PDE4A: variants seen among roughly 807,000 people sequenced by gnomAD.
PDE4A encodes the protein phosphodiesterase 4A.
PDE4A carries 21 observed loss-of-function variants against 73.9 expected under a neutral mutation model. The observed-to-expected ratio is 0.28, with a 90% CI of 0.20 to 0.41. The LOEUF (loss-of-function observed/expected upper bound fraction) is 0.41, where lower values mean the gene tolerates loss of function less well. Among genes scored for constraint, PDE4A ranks in the 10% least tolerant of loss-of-function variants. PDE4A has a pLI of 1.00. For synonymous variants in PDE4A, 463 were observed against 505.4 expected (o/e 0.92, Z 1.13); for missense variants, 958 against 1,211.4 (o/e 0.79, Z 3.10).
chr19:10,417,052 T>A, upstream of PDE4A: 2 of 1,520,300 alleles, frequency 1.3e-6, no homozygotes, highest in Non-Finnish European at 1.8e-6. Context: ...ACTAGCGCCC[T>A]CTAGTGACCA....
chr19:10,457,160 C>T (rs2043182941), intron 7 of PDE4A, among the ~76,000 whole-genome samples: 1 of 152,186 alleles, frequency 6.6e-6, no homozygotes, highest in African/African-American at 2.4e-5. Flanking sequence ...GATCGTGCCA[C>T]TGCACTCCAG....
rs760878279 is a variant in PDE4A at position 10,420,929 on chromosome 19, C to G, written c.165C>G (p.Ala55=). 6 of 1,575,978 alleles carry G rather than the reference C, an allele frequency of 3.8e-6. No individual in the cohort carries two copies. The highest frequency in any genetic ancestry group is 5.1e-6 in the Non-Finnish European group (6 of 1,170,304). The stretch of plus-strand genomic sequence containing the variant: ...GCTACTCCGACAGCGCGGAGCGCGC[C>G]GAGCGGGAGCGGCAGCCGCACCGGC... ...QRGYSDSAER[A]ERERQPHRPI... Residue 55 remains alanine, a synonymous_variant, in exon 1 of 15, where the codon GCC becomes GCG. Transcript: ENST00000380702. This position sits in a 1 kb window ranked among gnomAD's most constrained non-coding sequence, Gnocchi z 6.0.
In PDE4A at chr19:10,467,909, G is replaced by C. The variant is rs200063981; in HGVS notation, c.*288G>C. On this transcript the variant is annotated 3_prime_UTR_variant, in exon 15 of 15. Coordinates refer to ENST00000380702, the MANE Select transcript of PDE4A (RefSeq NM_001111307.2). ...CATTTTTAGAAAAAGAACAAAAAAA[G>C]AAAAAAAAAAGAAAGAAACACAGCA... 1.2e-5 allele frequency: 3 copies of C among 241,336 alleles called. No homozygotes were observed. The highest frequency in any genetic ancestry group is 7.0e-5 in the African/African-American group (3 of 43,036). 14.9% of individuals were successfully genotyped at this position (241,336 alleles called of 1,614,324 possible). A position where few individuals can be genotyped will look rare whatever the true frequency, so the allele number is the denominator to read the frequency against.
At chr19:10,420,430 G>A, upstream of PDE4A, 1 of 955,502 alleles carries the variant, frequency 1.0e-6, no homozygotes. This position sits in a 1 kb window ranked among gnomAD's most constrained non-coding sequence, Gnocchi z 6.0. Flanking sequence ...GGAGGAGGGG[G>A]GCGGCGCTGA....
intron 13 of PDE4A, 118 bp downstream of exon 13, chr19:10,462,117 G>T: frequency 1.3e-6 from 1 of 775,054 alleles, no homozygotes; most frequent in Non-Finnish European, 2.1e-6. Context: ...ATCTTCCTGT[G>T]TCCTTCTTTC....
chr19:10,431,280 T>C (rs550592468), intron 1 of PDE4A, among the ~76,000 whole-genome samples: 2 of 152,312 alleles, frequency 1.3e-5, no homozygotes, highest in African/African-American at 2.4e-5. Context: ...GTTTAATAAA[T>C]GTTGCATCCT....
At chr19:10,425,410 G>A (rs2042705141) in intron 1 of PDE4A, among the ~76,000 whole-genome samples, 1 of 152,166 alleles carries the variant, frequency 6.6e-6, no homozygotes, top group Non-Finnish European at 1.5e-5. Flanking sequence ...CAGGGCTGTG[G>A]TGAGGCTGAT....
intron 1 of PDE4A, chr19:10,432,701 A>AC: frequency 1.2e-6 from 1 of 829,764 alleles, no homozygotes; most frequent in Non-Finnish European, 1.8e-6. Context: ...CTGGGGCCCC[A>AC]CCCCCTTTCC....
Position 10,453,378 on chromosome 19 carries a change from C to T in PDE4A, c.784-1451C>T. On this transcript the variant is annotated intron_variant, in intron 6 of 14. Transcript: ENST00000380702. This position sits in a 1 kb window ranked among gnomAD's most constrained non-coding sequence, Gnocchi z 4.6. ...TGGGCGGGCATCCTGGTGAGCTGGG[C>T]CCCCGGTGTGGGCTTGTGTGTGCAG... 6.3e-7 allele frequency: 1 copy of T among 1,581,486 alleles called. No homozygotes were observed. Among genetic ancestry groups the T allele is most frequent in the Non-Finnish European group, 8.6e-7 (1 of 1,166,348 alleles).
chr19:10,451,722 A>G (rs1198210994), intron 6 of PDE4A, among the ~76,000 whole-genome samples: 1 of 152,042 alleles, frequency 6.6e-6, no homozygotes, highest in African/African-American at 2.4e-5. Flanking sequence ...CAATGCTCCC[A>G]TGTACAGTTG....
intron 1 of PDE4A, among the ~76,000 whole-genome samples, chr19:10,438,603 TTTTG>T (rs1201392592): frequency 5.9e-5 from 9 of 152,230 alleles, no homozygotes; most frequent in South Asian, 2.1e-4. Context: ...CATAATGTTT[TTTTG>T]TTTGTTTGTT....
Position 10,467,909 on chromosome 19 carries a change from GAAAAA to G in PDE4A, c.*294_*298del, listed in dbSNP as rs1322855997. ...CATTTTTAGAAAAAGAACAAAAAAA[GAAAAA>G]AAAAAGAAAGAAACACAGCAACTGT... On this transcript the variant is annotated 3_prime_UTR_variant, in exon 15 of 15. Coordinates refer to ENST00000380702, the MANE Select transcript of PDE4A (RefSeq NM_001111307.2). The G allele has an allele frequency of 8.3e-6, 2 of 241,336 alleles. No homozygotes were observed. Among genetic ancestry groups the G allele is most frequent in the Admixed American group, 1.1e-4 (2 of 17,904 alleles). The allele number at this position is 241,336 out of a possible 1,614,324, so 14.9% of individuals were successfully genotyped here. A position where few individuals can be genotyped will look rare whatever the true frequency, so the allele number is the denominator to read the frequency against.
chr19:10,444,455 G>A (rs1317784926), intron 1 of PDE4A, among the ~76,000 whole-genome samples: 1 of 151,052 alleles, frequency 6.6e-6, no homozygotes, highest in Non-Finnish European at 1.5e-5. Context: ...CTGAGATCGC[G>A]CCATTGCATT....
chr19:10,418,390 C>A (rs1051400998), upstream of PDE4A, among the ~76,000 whole-genome samples: 1 of 152,180 alleles, frequency 6.6e-6, no homozygotes, highest in South Asian at 2.1e-4. Flanking sequence ...CTCAACCCCC[C>A]TCTTGGCTCA....
Position 10,454,513 on chromosome 19 carries a change from G to T in PDE4A, c.784-316G>T, listed in dbSNP as rs192654619. ...TCTCCTGCTTCCCTATTGGCTCCCT[G>T]TTAGGCAGGAGCCCCTCCCTTCCAC... On this transcript the variant is annotated intron_variant, in intron 6 of 14. Coordinates refer to ENST00000380702, the MANE Select transcript of PDE4A (RefSeq NM_001111307.2). Among the ~76,000 whole-genome samples the T allele has an allele frequency of 3.2e-3, 485 of 152,330 alleles. 2 individuals are homozygous for T. Among genetic ancestry groups the T allele is most frequent in the Non-Finnish European group, 3.2e-3 (218 of 68,024 alleles).
chr19:10,440,980 C>T (rs1185252111), intron 1 of PDE4A, among the ~76,000 whole-genome samples: 1 of 151,680 alleles, frequency 6.6e-6, no homozygotes, highest in East Asian at 1.9e-4. Context: ...TCAAGTGATC[C>T]GCCCACCTCG....
chr19:10,443,609 G>A (rs1430632024), intron 1 of PDE4A, among the ~76,000 whole-genome samples: 1 of 151,992 alleles, frequency 6.6e-6, no homozygotes, highest in Non-Finnish European at 1.5e-5. Context: ...ACCTACTTGG[G>A]AGGTGGAGGT....
chr19:10,418,757 A>C (rs1599391564), upstream of PDE4A: 16 of 982,644 alleles, frequency 1.6e-5, no homozygotes, highest in Non-Finnish European at 1.8e-5. Flanking sequence ...CACATTACGC[A>C]CTCCCACCCG....
At chr19:10,439,098 A>G (rs1023352486) in intron 1 of PDE4A, among the ~76,000 whole-genome samples, 19 of 152,016 alleles carry the variant, frequency 1.2e-4, no homozygotes, top group Admixed American at 3.3e-4. Context: ...CCCACTTTCA[A>G]TTCTTTTGGG....
Sources: allele counts gnomAD v4.1 joint callset (sites outside exome capture counted in the v4.1 genomes callset), GRCh38; gene constraint gnomAD v4.1.1; non-coding constraint Gnocchi (gnomAD v3.1); transcripts MANE v1.5; gene names NCBI Gene and HGNC (gene_info 2026-07-23, HGNC 2026-07-21).